Variants in EYS observed in about 807,000 individuals in gnomAD.
EYS encodes EGF-like photoreceptor maintenance factor, also known as protein eyes shut homolog.
In EYS, 250 loss-of-function variants were observed where a neutral mutation model predicts 282.1. The observed-to-expected ratio is 0.89, with a 90% CI of 0.80 to 0.98. The LOEUF is 0.98. Ranked by LOEUF, EYS falls within the 50% of genes least tolerant of loss-of-function variation. The pLI is 0.00. For synonymous variants in EYS, 1,355 were observed against 1,282.9 expected, an observed-to-expected ratio of 1.06 and a Z score of -1.20; for missense variants, 4,016 against 3,709.0, an observed-to-expected ratio of 1.08 and a Z score of -2.15.
intron 22 of EYS, among the ~76,000 whole-genome samples, chr6:64,639,587 C>T (rs987107611): frequency 1.1e-5 from 1 of 90,844 alleles, no homozygotes; most frequent in Non-Finnish European, 2.4e-5. Context: ...AAGACTTAAA[C>T]GTTAGACCTA....
chr6:64,263,610 G>A (rs1582504768), intron 30 of EYS, among the ~76,000 whole-genome samples: 1 of 151,988 alleles, frequency 6.6e-6, no homozygotes, highest in African/African-American at 2.4e-5. Flanking sequence ...TGTCACTGTT[G>A]TTTTTAATTT....
intron 14 of EYS, among the ~76,000 whole-genome samples, chr6:64,971,472 AAAAT>A (rs2150111334): frequency 6.6e-6 from 1 of 152,278 alleles, no homozygotes; most frequent in South Asian, 2.1e-4. Flanking sequence ...GAAGGGAAAA[AAAAT>A]AAACAGCTTC....
intron 24 of EYS, among the ~76,000 whole-genome samples, chr6:64,611,148 A>AT (rs976797655): frequency 2.0e-5 from 3 of 152,034 alleles, no homozygotes; most frequent in Admixed American, 6.6e-5. Flanking sequence ...AGGAAAATAC[A>AT]TTTTTTGTGT....
chr6:64,325,184 G>A (rs562313455), intron 29 of EYS, among the ~76,000 whole-genome samples: 1 of 152,290 alleles, frequency 6.6e-6, no homozygotes, highest in African/African-American at 2.4e-5. Flanking sequence ...GCAGGACCCT[G>A]GAGATATCTC....
chr6:64,176,545 C>T (rs922663266), intron 31 of EYS, among the ~76,000 whole-genome samples: 3 of 151,298 alleles, frequency 2.0e-5, no homozygotes, highest in Non-Finnish European at 2.9e-5. Flanking sequence ...GTACCAAATA[C>T]GCGTGAAGTT....
intron 31 of EYS, among the ~76,000 whole-genome samples, chr6:64,111,574 G>A (rs1327831150): frequency 6.6e-6 from 1 of 152,006 alleles, no homozygotes; most frequent in African/African-American, 2.4e-5. Flanking sequence ...TGAAAATGTG[G>A]AAAAGATTGA....
At chr6:63,805,001 T>C (rs1770868511) in intron 37 of EYS, among the ~76,000 whole-genome samples, 1 of 152,130 alleles carries the variant, frequency 6.6e-6, no homozygotes. Flanking sequence ...CCACATTTCA[T>C]TTGGGGTGTA....
intron 30 of EYS, among the ~76,000 whole-genome samples, chr6:64,284,808 C>T (rs968349711): frequency 1.3e-5 from 2 of 152,184 alleles, no homozygotes; most frequent in Admixed American, 6.5e-5. Flanking sequence ...GAAACCATGG[C>T]CCAAGCTCTG....
intron 31 of EYS, among the ~76,000 whole-genome samples, chr6:64,172,242 A>T (rs1764499568): frequency 6.6e-6 from 1 of 152,046 alleles, no homozygotes; most frequent in South Asian, 2.1e-4. Context: ...AGAACACTTA[A>T]CTTGAGATCT....
intron 10 of EYS, among the ~76,000 whole-genome samples, chr6:65,338,074 C>A (rs1398330817): frequency 6.6e-6 from 1 of 151,184 alleles, no homozygotes; most frequent in Non-Finnish European, 1.5e-5. Flanking sequence ...GTGATATGAA[C>A]ACCTAAATTA....
chr6:64,657,807 T>C (rs556223888), intron 22 of EYS, among the ~76,000 whole-genome samples: 10 of 152,260 alleles, frequency 6.6e-5, no homozygotes, highest in African/African-American at 2.4e-4. Context: ...TCATTTCAAC[T>C]TTGGTGAATC....
chr6:64,340,697 A>G (rs1771068714), intron 29 of EYS, among the ~76,000 whole-genome samples: 1 of 151,956 alleles, frequency 6.6e-6, no homozygotes, highest in South Asian at 2.1e-4. Context: ...AGCAATTGCA[A>G]CAAAACCAAA....
At chr6:64,321,308 T>C (rs1441235371) in intron 29 of EYS, among the ~76,000 whole-genome samples, 1 of 151,832 alleles carries the variant, frequency 6.6e-6, no homozygotes, top group African/African-American at 2.4e-5. Context: ...AACTGAATTC[T>C]ATATGTTACT....
At chr6:64,348,658 G>A (rs763974892) in intron 29 of EYS, among the ~76,000 whole-genome samples, 9 of 151,436 alleles carry the variant, frequency 5.9e-5, no homozygotes, top group Non-Finnish European at 1.2e-4. Context: ...TCTTCAGCTG[G>A]TTCTAAACTT....
intron 22 of EYS, among the ~76,000 whole-genome samples, chr6:64,718,252 C>G (rs1771460710): frequency 6.6e-6 from 1 of 152,108 alleles, no homozygotes; most frequent in Admixed American, 6.6e-5. Flanking sequence ...ACAAACACCC[C>G]TCAAGTATCT....
intron 31 of EYS, among the ~76,000 whole-genome samples, chr6:64,210,221 T>C (rs138030831): frequency 6.6e-6 from 1 of 152,362 alleles, no homozygotes; most frequent in African/African-American, 2.4e-5. Flanking sequence ...AAATGGATGG[T>C]AGCTATATTA....
chr6:65,687,634 G>A (rs1769073618), intron 1 of EYS, among the ~76,000 whole-genome samples: 1 of 152,156 alleles, frequency 6.6e-6, no homozygotes, highest in Non-Finnish European at 1.5e-5. Context: ...AAAAGAGGAA[G>A]TCAAATTGTC....
In EYS at chr6:65,430,188, G is replaced by A. The variant is rs138247942; in HGVS notation, c.863-24821C>T. 1.2e-4 allele frequency among the ~76,000 whole-genome samples: 19 copies of A among 152,204 alleles called. No homozygotes were observed. In the East Asian group the frequency reaches 3.1e-3, roughly 25 times the overall value. ...ACAACTATCTACAAAGGAAAAACAC[G>A]TCACAATAACCAAAATCAGGTGAGC... On this transcript the variant is annotated intron_variant, in intron 5 of 42. Transcript: ENST00000503581.
At chr6:65,531,377 A>T (rs1767762821) in intron 2 of EYS, among the ~76,000 whole-genome samples, 1 of 152,206 alleles carries the variant, frequency 6.6e-6, no homozygotes, top group Non-Finnish European at 1.5e-5. Flanking sequence ...GAATGAATAC[A>T]TGAGTGAAAT....
Sources: allele counts gnomAD v4.1 joint callset (sites outside exome capture counted in the v4.1 genomes callset), GRCh38; gene constraint gnomAD v4.1.1; transcripts MANE v1.5; gene names NCBI Gene and HGNC (gene_info 2026-07-23, HGNC 2026-07-21).